IQCM: variants seen among roughly 807,000 people sequenced by gnomAD.
IQCM encodes the protein IQ domain-containing protein M.
Under a neutral mutation model 57.6 loss-of-function variants are expected in IQCM, and 45 were observed. That is an observed-to-expected ratio of 0.78 (90% CI 0.62 to 1.00). IQCM has a LOEUF of 1.00. IQCM is among the 50% of genes least tolerant of loss of function. The pLI is 0.00. For synonymous variants in IQCM, 148 were observed against 158.9 expected, an observed-to-expected ratio of 0.93 and a Z score of 0.51; for missense variants, 468 against 511.6, an observed-to-expected ratio of 0.91 and a Z score of 0.82.
chr4:149,739,713 C>T (rs571691042), intron 3 of IQCM, among the ~76,000 whole-genome samples: 1 of 152,090 alleles, frequency 6.6e-6, no homozygotes, highest in Non-Finnish European at 1.5e-5. Context: ...TTGAAATGGT[C>T]ATATTAAACT....
chr4:149,776,610 G>A (rs980130005), intron 2 of IQCM, among the ~76,000 whole-genome samples: 9 of 151,930 alleles, frequency 5.9e-5, no homozygotes, highest in East Asian at 1.9e-4. Context: ...CTATTTTGAC[G>A]GTAAAATGTA....
chr4:149,754,328 A>T (rs996984269), intron 2 of IQCM, among the ~76,000 whole-genome samples: 5 of 152,090 alleles, frequency 3.3e-5, no homozygotes, highest in African/African-American at 1.2e-4. Flanking sequence ...CGCCCCGGGG[A>T]GTCTTCGCTA....
Position 149,433,505 on chromosome 4 carries a change from C to A in IQCM, c.1281G>T (p.Met427Ile). The change falls in exon 13 of 14, where the codon ATG becomes ATT. Residue 427 changes from methionine to isoleucine, a missense_variant. Met to Ile is a conservative substitution (Grantham distance 10). Coordinates refer to ENST00000636793, the MANE Select transcript of IQCM (RefSeq NM_001363507.2). ...CTTCAGGAGGATAGAGTGTAAATAA[C>A]ATTTCAATTGCTTTGGACTTTTTGA... The part of the protein sequence containing the change: ...ELIKKSKAIE[M>I]LFTLYPPEGA... The A allele has an allele frequency of 8.3e-7, 1 of 1,203,842 alleles. No individual in the cohort carries two copies. The highest frequency in any genetic ancestry group is 1.0e-6 in the Non-Finnish European group (1 of 962,610). 74.6% of individuals were successfully genotyped at this position (1,203,842 alleles called of 1,614,324 possible).
chr4:149,740,240 A>G (rs563149940), intron 3 of IQCM, among the ~76,000 whole-genome samples: 5 of 152,210 alleles, frequency 3.3e-5, no homozygotes, highest in Non-Finnish European at 7.3e-5. Context: ...GTATGTAATC[A>G]GAGTAAATGC....
intron 10 of IQCM, among the ~76,000 whole-genome samples, chr4:149,554,900 C>T (rs1023971106): frequency 1.3e-5 from 2 of 151,526 alleles, no homozygotes; most frequent in African/African-American, 4.9e-5. Flanking sequence ...GGGGTTTCAC[C>T]GTGTTAGCCA....
chr4:149,445,890 G>A (rs1253700467), intron 12 of IQCM, among the ~76,000 whole-genome samples: 2 of 151,666 alleles, frequency 1.3e-5, no homozygotes, highest in Non-Finnish European at 3.0e-5. Context: ...TTTGTCATAT[G>A]ATCTGCTACT....
At chr4:149,554,179 T>C (rs987822632) in intron 10 of IQCM, among the ~76,000 whole-genome samples, 2 of 152,214 alleles carry the variant, frequency 1.3e-5, no homozygotes, top group Non-Finnish European at 2.9e-5. Context: ...TTTCTGTGTT[T>C]TGCATACCGT....
At chr4:149,448,061 A>G (rs1214549347) in intron 12 of IQCM, among the ~76,000 whole-genome samples, 1 of 151,700 alleles carries the variant, frequency 6.6e-6, no homozygotes, top group Non-Finnish European at 1.5e-5. Context: ...TTCAACAAAC[A>G]ACAACATAAT....
At chr4:149,644,978 A>G (rs936056850) in intron 7 of IQCM, among the ~76,000 whole-genome samples, 1 of 152,222 alleles carries the variant, frequency 6.6e-6, no homozygotes, top group African/African-American at 2.4e-5. Flanking sequence ...TTTTAGATCT[A>G]TAACTATCTG....
At position 149,369,057 on chromosome 4, in the gene IQCM, T is replaced by C. The variant is rs1730181319; in HGVS notation, c.1391-16991A>G. Among the ~76,000 whole-genome samples the C allele has an allele frequency of 2.2e-5, 3 of 134,848 alleles. No homozygotes were observed. The Admixed American group carries it at 2.4e-4, about 11-fold the overall frequency. 88.5% of individuals were successfully genotyped at this position (134,848 alleles called of 152,430 possible). A position where few individuals can be genotyped will look rare whatever the true frequency, so the allele number is the denominator to read the frequency against. On this transcript the variant is annotated intron_variant, in intron 13 of 13. Coordinates refer to ENST00000636793, the MANE Select transcript of IQCM (RefSeq NM_001363507.2). ...ATGTGTATATATATATATGTATTTT[T>C]TTTTTGAGATGGAGTCTCGCTCTGT...
chr4:149,513,302 T>A (rs1303466788), intron 12 of IQCM, among the ~76,000 whole-genome samples: 2 of 152,200 alleles, frequency 1.3e-5, no homozygotes. Context: ...CTATTTATAG[T>A]GCCCAAGTCA....
At chr4:149,493,182 T>C (rs1418884234) in intron 12 of IQCM, among the ~76,000 whole-genome samples, 1 of 152,254 alleles carries the variant, frequency 6.6e-6, no homozygotes, top group Middle Eastern at 3.4e-3. Flanking sequence ...TCATATTCAA[T>C]TGGTTAACAA....
At chr4:149,425,538 T>C (rs1734403293) in intron 13 of IQCM, among the ~76,000 whole-genome samples, 2 of 152,004 alleles carry the variant, frequency 1.3e-5, no homozygotes, top group African/African-American at 2.4e-5. Flanking sequence ...CAGGAGAAGA[T>C]GGATGTCCTA....
At chr4:149,705,402 A>G (rs566859243) in intron 5 of IQCM, among the ~76,000 whole-genome samples, 2 of 151,454 alleles carry the variant, frequency 1.3e-5, no homozygotes, top group Non-Finnish European at 3.0e-5. Context: ...AAAAGAAAAC[A>G]TAAGTCAAAA....
chr4:149,752,720 G>A (rs1387245935), intron 2 of IQCM, among the ~76,000 whole-genome samples: 3 of 152,160 alleles, frequency 2.0e-5, no homozygotes, highest in Non-Finnish European at 4.4e-5. Flanking sequence ...AAGCCAAGTA[G>A]AGGCAACCTG....
At chr4:149,655,637 C>T (rs1427104092) in intron 7 of IQCM, among the ~76,000 whole-genome samples, 2 of 151,970 alleles carry the variant, frequency 1.3e-5, no homozygotes, top group Non-Finnish European at 2.9e-5. Flanking sequence ...GCCTAACATT[C>T]GAAAGTTGTG....
intron 12 of IQCM, among the ~76,000 whole-genome samples, chr4:149,453,188 A>G (rs912859183): frequency 3.3e-5 from 5 of 151,760 alleles, no homozygotes; most frequent in African/African-American, 1.2e-4. Context: ...CCATACACAA[A>G]AATTAATTAT....
At chr4:149,683,446 A>T (rs1352479951) in intron 6 of IQCM, among the ~76,000 whole-genome samples, 8 of 151,386 alleles carry the variant, frequency 5.3e-5, no homozygotes, top group African/African-American at 1.9e-4. Flanking sequence ...CACTCAATAG[A>T]TAGTAAAGAA....
rs9993273 is a variant in IQCM, at chr4:149,715,113, G to A, written c.385+18131C>T. Among the ~76,000 whole-genome samples, 1,167 of 152,252 alleles carry A rather than the reference G, an allele frequency of 7.7e-3. 16 individuals are homozygous for A. The highest frequency in any genetic ancestry group is 0.023 in the African/African-American group (939 of 41,552). ...GGATCCTTGGGGCATCACTTCACCA[G>A]CCAGAAACCTCTGTGGCTGGTGGTG... On this transcript the variant is annotated intron_variant, in intron 5 of 13. Coordinates refer to ENST00000636793, the MANE Select transcript of IQCM (RefSeq NM_001363507.2).
Sources: gnomAD v4.1 joint callset for allele counts (sites outside exome capture counted in the v4.1 genomes callset) on GRCh38, gnomAD v4.1.1 for gene constraint, MANE v1.5 for transcripts, NCBI Gene and HGNC (gene_info 2026-07-23, HGNC 2026-07-21) for gene names.